The following DGKB variants were observed in gnomAD, a reference collection of about 807,000 sequenced individuals.
DGKB encodes diacylglycerol kinase beta, also known as 90 kDa diacylglycerol kinase.
A neutral mutation model predicts 114.3 loss-of-function variants in DGKB; 67 were observed. The ratio of observed to expected loss-of-function variants is 0.59; its 90% CI spans 0.48 to 0.72. The LOEUF (loss-of-function observed/expected upper bound fraction) is 0.72. Among genes scored for constraint, DGKB ranks in the 30% least tolerant of loss-of-function variants. DGKB has a pLI of 0.00. For missense variants in DGKB, 907 were observed against 975.2 expected (o/e 0.93, Z 0.93); for synonymous variants, 398 against 323.1 (o/e 1.23, Z -2.49).
At chr7:14,282,990 A>T (rs1169909975) in intron 23 of DGKB, among the ~76,000 whole-genome samples, 4 of 151,906 alleles carry the variant, frequency 2.6e-5, no homozygotes, top group African/African-American at 9.7e-5. Context: ...CCTATTCAAC[A>T]TAGTGTTGGA....
At chr7:14,182,116 T>C (rs959683029) in intron 23 of DGKB, among the ~76,000 whole-genome samples, 37 of 152,188 alleles carry the variant, frequency 2.4e-4, no homozygotes, top group African/African-American at 8.4e-4. Flanking sequence ...TATCACGTTA[T>C]AGTTGTTACA....
chr7:14,700,828 A>G (rs1825041050), intron 7 of DGKB, among the ~76,000 whole-genome samples: 1 of 152,218 alleles, frequency 6.6e-6, no homozygotes, highest in African/African-American at 2.4e-5. Flanking sequence ...TATTAAATAC[A>G]TTAAAAATGG....
At chr7:14,669,537 T>C (rs1818601511) in intron 13 of DGKB, among the ~76,000 whole-genome samples, 1 of 152,192 alleles carries the variant, frequency 6.6e-6, no homozygotes. Flanking sequence ...GCCTCTTTTA[T>C]CACTGCAGCC....
At chr7:14,534,390 A>G (rs796686231) in intron 20 of DGKB, among the ~76,000 whole-genome samples, 103 of 152,286 alleles carry the variant, frequency 6.8e-4, no homozygotes, top group African/African-American at 2.5e-3. Flanking sequence ...GAGGAGGGGA[A>G]CAATATAACT....
At chr7:14,583,187 T>A in intron 17 of DGKB, 50 bp from the exon 18 acceptor site, 1 of 1,174,122 alleles carries the variant, frequency 8.5e-7, no homozygotes. Flanking sequence ...AAAAATAAGA[T>A]GTTTTCAGTT....
chr7:14,506,750 C>T (rs2128965631), intron 20 of DGKB, among the ~76,000 whole-genome samples: 1 of 152,186 alleles, frequency 6.6e-6, no homozygotes, highest in East Asian at 1.9e-4. Flanking sequence ...GAATTTTCCA[C>T]ACAAAAAAGA....
intron 23 of DGKB, among the ~76,000 whole-genome samples, chr7:14,244,831 G>A (rs1316309482): frequency 1.3e-5 from 2 of 152,042 alleles, no homozygotes; most frequent in South Asian, 2.1e-4. Context: ...ATGAAAAGTG[G>A]TCCCTCACTA....
intron 2 of DGKB, among the ~76,000 whole-genome samples, chr7:14,782,597 C>G (rs1228415082): frequency 6.6e-6 from 1 of 151,888 alleles, no homozygotes; most frequent in Non-Finnish European, 1.5e-5. Flanking sequence ...AAAAAGAAGA[C>G]AAATATTACA....
chr7:14,470,515 G>T (rs1422796402), intron 21 of DGKB, among the ~76,000 whole-genome samples: 1 of 151,828 alleles, frequency 6.6e-6, no homozygotes, highest in Non-Finnish European at 1.5e-5. Flanking sequence ...GATTGTGAAT[G>T]TCAGTAATTT....
At chr7:14,251,966 T>C (rs558030886) in intron 23 of DGKB, among the ~76,000 whole-genome samples, 3 of 152,216 alleles carry the variant, frequency 2.0e-5, no homozygotes, top group Non-Finnish European at 2.9e-5. Flanking sequence ...TTATAATGTA[T>C]CTCCATGAAG....
chr7:14,240,817 A>T (rs1236026782), intron 23 of DGKB, among the ~76,000 whole-genome samples: 2 of 152,118 alleles, frequency 1.3e-5, no homozygotes, highest in African/African-American at 4.8e-5. Context: ...GTTTAGGAGG[A>T]TTAATAAAAG....
At chr7:14,374,342 A>C (rs1235872774) in intron 21 of DGKB, among the ~76,000 whole-genome samples, 1 of 151,916 alleles carries the variant, frequency 6.6e-6, no homozygotes, top group African/African-American at 2.4e-5. Context: ...ACCTCTTAAA[A>C]ACCTTTCCCC....
chr7:14,848,297 T>C (rs1389716392), intron 1 of DGKB, among the ~76,000 whole-genome samples: 1 of 152,154 alleles, frequency 6.6e-6, no homozygotes, highest in Non-Finnish European at 1.5e-5. Context: ...GGATCAAGAA[T>C]GACTCCTGTA....
intron 23 of DGKB, among the ~76,000 whole-genome samples, chr7:14,267,476 T>A (rs1797679727): frequency 7.0e-6 from 1 of 142,298 alleles, no homozygotes; most frequent in African/African-American, 2.7e-5. Context: ...TTATTTTTTT[T>A]TTCTTTTTTT....
At chr7:14,704,397 G>A (rs1158815165) in intron 6 of DGKB, among the ~76,000 whole-genome samples, 5 of 144,422 alleles carry the variant, frequency 3.5e-5, no homozygotes, top group African/African-American at 1.3e-4. Context: ...GCAGTGAGCC[G>A]AGATCACGCC....
intron 21 of DGKB, among the ~76,000 whole-genome samples, chr7:14,366,417 C>T (rs1816682922): frequency 6.6e-6 from 1 of 152,038 alleles, no homozygotes; most frequent in South Asian, 2.1e-4. Context: ...GGTTTTAACC[C>T]TCAGAAGCTA....
intron 8 of DGKB, among the ~76,000 whole-genome samples, 196 bp downstream of exon 8, chr7:14,697,899 A>G (rs944541591): frequency 6.9e-5 from 9 of 129,702 alleles, no homozygotes; most frequent in Admixed American, 2.8e-4. Flanking sequence ...AAAGAAAGAG[A>G]AAGAGAGAAG....
At chr7:14,367,122 C>G (rs1388087504) in intron 21 of DGKB, among the ~76,000 whole-genome samples, 1 of 152,128 alleles carries the variant, frequency 6.6e-6, no homozygotes, top group African/African-American at 2.4e-5. Context: ...CAGCTCCCAG[C>G]CACGCTATCT....
At chr7:14,308,357 G>T (rs1804825137) in intron 23 of DGKB, among the ~76,000 whole-genome samples, 1 of 151,946 alleles carries the variant, frequency 6.6e-6, no homozygotes, top group South Asian at 2.1e-4. Context: ...TTAGCAATTT[G>T]TAATAGGTGT....
Sources: allele counts gnomAD v4.1 joint callset (sites outside exome capture counted in the v4.1 genomes callset), GRCh38; gene constraint gnomAD v4.1.1; transcripts MANE v1.5; gene names NCBI Gene and HGNC (gene_info 2026-07-23, HGNC 2026-07-21).